THOC2: variants seen among roughly 807,000 people sequenced by gnomAD.
The protein encoded by THOC2 is THO complex 2.
Under a neutral mutation model 128.4 loss-of-function variants are expected in THOC2, and 10 were observed. That is an observed-to-expected ratio of 0.08 (90% CI 0.05 to 0.13). THOC2 has a LOEUF of 0.13. Among genes scored for constraint, THOC2 ranks in the 10% least tolerant of loss-of-function variants. THOC2 has a pLI of 1.00. For missense variants in THOC2, 535 were observed against 1,155.7 expected, an observed-to-expected ratio of 0.46 and a Z score of 7.79; for synonymous variants, 393 against 396.9, an observed-to-expected ratio of 0.99 and a Z score of 0.12.
At chrX:123,677,057 T>G (rs1008662531) in intron 8 of THOC2, among the ~76,000 whole-genome samples, 3 of 111,875 alleles carry the variant, frequency 2.7e-5, no homozygotes, top group African/African-American at 9.8e-5. Context: ...CATAACCTAC[T>G]ACACATGTAG....
At chrX:123,727,004 A>G (rs1327194972) in intron 1 of THOC2, among the ~76,000 whole-genome samples, 1 of 111,010 alleles carries the variant, frequency 9.0e-6, no homozygotes, top group African/African-American at 3.3e-5. Context: ...GTTTATGACC[A>G]GCCTGGGCAA....
chrX:123,670,357 G>A (rs1429652072), intron 9 of THOC2, among the ~76,000 whole-genome samples: 1 of 112,750 alleles, frequency 8.9e-6, no homozygotes, highest in Non-Finnish European at 1.9e-5. Flanking sequence ...GGTGGCTCAC[G>A]CTTGTAATCC....
chrX:123,669,455 T>G (rs913781418), intron 9 of THOC2, among the ~76,000 whole-genome samples: 4 of 110,730 alleles, frequency 3.6e-5, no homozygotes, highest in African/African-American at 1.3e-4. Context: ...TAGCTGGGAT[T>G]ACAGGCATGT....
chrX:123,688,947 T>C (rs925157638), intron 7 of THOC2, among the ~76,000 whole-genome samples: 1 of 111,738 alleles, frequency 8.9e-6, no homozygotes, highest in African/African-American at 3.3e-5. Context: ...TAAAAATGAA[T>C]TAACACTCTA....
chrX:123,668,155 A>T lies in THOC2; in HGVS notation c.1017+4T>A. 8.6e-7 allele frequency: 1 copy of T among 1,165,995 alleles called. No individual in the cohort carries two copies. The highest frequency in any genetic ancestry group is 1.2e-6 in the Non-Finnish European group (1 of 868,563). ...TGTTAATTTTACTAGAATGAATTAC[A>T]TACTTTCTCTACTTTCTCCTCTTCT... On this transcript the variant is annotated splice_donor_region_variant and intron_variant, in intron 10 of 38. Coordinates refer to ENST00000245838, the MANE Select transcript of THOC2 (RefSeq NM_001081550.2).
At chrX:123,609,363 C>G (rs1416613389) in intron 38 of THOC2, among the ~76,000 whole-genome samples, 1 of 111,524 alleles carries the variant, frequency 9.0e-6, no homozygotes, top group Non-Finnish European at 1.9e-5. Flanking sequence ...CCTACTTTAC[C>G]CTAATCTACT....
intron 15 of THOC2, among the ~76,000 whole-genome samples, chrX:123,643,967 A>G (rs1007875688): frequency 8.9e-6 from 1 of 112,520 alleles, no homozygotes; most frequent in Non-Finnish European, 1.9e-5. Flanking sequence ...CTTGCAATAC[A>G]GCAATACAAT....
rs1377482310 is a variant in THOC2 at position 123,624,177 on chromosome X, A to G, written c.3201T>C (p.Tyr1067=). 3.4e-6 allele frequency: 4 copies of G among 1,188,765 alleles called. No homozygotes were observed. Among genetic ancestry groups the G allele is most frequent in the Non-Finnish European group, 4.5e-6 (4 of 887,563 alleles). ...RATYEKECGN[Y]PGFLTILRAT... ...CCCGTAATATGGTAAGGAATCCTGG[A>G]TAGTTTCCACATTCCTAAGGAAACA... Residue 1067 remains tyrosine (Y), a synonymous_variant, in exon 27 of 39, where the codon TAT becomes TAC. Coordinates refer to ENST00000245838, the MANE Select transcript of THOC2 (RefSeq NM_001081550.2).
At position 123,671,769 on chromosome X, in the gene THOC2, T is replaced by C; in HGVS notation, c.769-8A>G. Reference sequence around the variant, plus strand: ...TGTCTCGCCATTTGGTTCCTAGAAATATAAAAAAAAAAGTTTCCATTTAGT... The same window carrying C: ...TGTCTCGCCATTTGGTTCCTAGAAACATAAAAAAAAAAGTTTCCATTTAGT... On this transcript the variant is annotated splice_region_variant and splice_polypyrimidine_tract_variant and intron_variant, in intron 8 of 38. Transcript: ENST00000245838. 1 of 1,122,674 alleles carries C rather than the reference T, an allele frequency of 8.9e-7. No homozygotes were observed. Among genetic ancestry groups the C allele is most frequent in the Non-Finnish European group, 1.2e-6 (1 of 836,505 alleles). The allele number at this position is 1,122,674 out of a possible 1,213,427, so 92.5% of individuals were successfully genotyped here.
At position 123,712,889 on chromosome X, in the gene THOC2, G is replaced by A. The variant is rs1284081197; in HGVS notation, c.91C>T (p.Leu31Phe). The A allele has an allele frequency of 8.5e-7, 1 of 1,170,232 alleles. No homozygotes were observed. The highest frequency in any genetic ancestry group is 1.8e-5 in the African/African-American group (1 of 56,262). ...CTATCATGGCTTTTATTTTCACTGA[G>A]GATCCGACATAAATGCAAACTAGAA... Reference protein sequence around the residue: ...RGEFLHLCRILSENKSHDSST... With the variant: ...RGEFLHLCRIFSENKSHDSST... The change falls in exon 2 of 39, where the codon CTC becomes TTC. Residue 31 changes from leucine to phenylalanine, a missense_variant. This residue lies in a region of THOC2 where 61 missense variants were observed against 84.3 expected (regional missense o/e 0.72). Transcript: ENST00000245838.
At chrX:123,615,656 T>C (rs202150649) in intron 33 of THOC2, among the ~76,000 whole-genome samples, 9 of 91,597 alleles carry the variant, frequency 9.8e-5, no homozygotes, top group South Asian at 9.4e-4. Context: ...AAAAAAAAAA[T>C]ACACACACAC....
At chrX:123,732,697 G>A (rs1483760380) in intron 1 of THOC2, among the ~76,000 whole-genome samples, 1 of 111,952 alleles carries the variant, frequency 8.9e-6, no homozygotes, top group Non-Finnish European at 1.9e-5. Flanking sequence ...CGGAATAAGA[G>A]TTCTACTAAG....
chrX:123,613,776 T>C (rs772953580), intron 34 of THOC2, 68 bp from the exon 35 acceptor site: 2 of 1,011,493 alleles, frequency 2.0e-6, no homozygotes, highest in East Asian at 6.1e-5. Context: ...ATTACTTTTA[T>C]ATGAGAAGGG....
At chrX:123,630,470 G>A (rs1315079780) in intron 22 of THOC2, among the ~76,000 whole-genome samples, 69 of 108,886 alleles carry the variant, frequency 6.3e-4, no homozygotes, top group Middle Eastern at 4.7e-3. Context: ...AAAATTAGCT[G>A]GGTGTGGTGG....
intron 12 of THOC2, among the ~76,000 whole-genome samples, chrX:123,657,960 CGTGTGTGT>C (rs60969537): frequency 0.19 from 18,026 of 94,454 alleles, 1,332 homozygotes; most frequent in Middle Eastern, 0.3. Flanking sequence ...TACGCATATG[CGTGTGTGT>C]GTGTGTGTGT....
chrX:123,722,118 G>GGGGGAGT (rs2051729350), intron 1 of THOC2, among the ~76,000 whole-genome samples: 1 of 112,221 alleles, frequency 8.9e-6, no homozygotes. Flanking sequence ...CACTGTTGGT[G>GGGGGAGT]GGGGAGTAAA....
intron 38 of THOC2, among the ~76,000 whole-genome samples, chrX:123,610,488 CTG>C (rs1233524906): frequency 6.3e-5 from 7 of 111,080 alleles, no homozygotes; most frequent in Non-Finnish European, 1.1e-4. Context: ...GATAGAAAGA[CTG>C]AGGATAGTCA....
At chrX:123,636,570 T>G (rs2047680427) in intron 18 of THOC2, among the ~76,000 whole-genome samples, 1 of 111,250 alleles carries the variant, frequency 9.0e-6, no homozygotes, top group Non-Finnish European at 1.9e-5. Context: ...CTCAGTAAAC[T>G]TGAATAAATG....
chrX:123,726,824 TTGCATA>T (rs2052012885), intron 1 of THOC2, among the ~76,000 whole-genome samples: 1 of 112,230 alleles, frequency 8.9e-6, no homozygotes, highest in African/African-American at 3.2e-5. Flanking sequence ...TTTGCTCAAG[TTGCATA>T]TGGAACCATT....
Sources: gnomAD v4.1 joint callset for allele counts (sites outside exome capture counted in the v4.1 genomes callset) on GRCh38, gnomAD v4.1.1 for gene constraint, gnomAD v4.1.1 regional missense constraint, MANE v1.5 for transcripts, NCBI Gene and HGNC (gene_info 2026-07-23, HGNC 2026-07-21) for gene names.